Variants in KRT78 observed in about 807,000 individuals in gnomAD.
KRT78 encodes the protein keratin 78.
KRT78 carries 55 observed loss-of-function variants against 51.4 expected under a neutral mutation model. That is an observed-to-expected ratio of 1.07 (90% CI 0.86 to 1.34). KRT78 has a LOEUF of 1.34. Ranked by LOEUF, KRT78 falls within the 40% of genes most tolerant of loss-of-function variation. The pLI is 0.00. For synonymous variants in KRT78, 291 were observed against 264.3 expected, an observed-to-expected ratio of 1.10 and a Z score of -0.98; for missense variants, 652 against 649.4, an observed-to-expected ratio of 1.00 and a Z score of -0.04.
chr12:52,840,848 C>T (rs867761602), intron 6 of KRT78, among the ~76,000 whole-genome samples: 2 of 152,192 alleles, frequency 1.3e-5, no homozygotes, highest in African/African-American at 2.4e-5. Flanking sequence ...AGCACGGCCC[C>T]GCCAACACCT....
intron 2 of KRT78, 105 bp from the exon 3 acceptor site, chr12:52,846,929 G>T (rs1055943678): frequency 1.1e-5 from 9 of 796,320 alleles, no homozygotes; most frequent in Non-Finnish European, 1.9e-5. Context: ...GCCTTAGAAT[G>T]CCCCCAAACA....
At chr12:52,843,051 G>GAAGGT in intron 6 of KRT78, among the ~76,000 whole-genome samples, 1 of 124,010 alleles carries the variant, frequency 8.1e-6, no homozygotes, top group South Asian at 2.8e-4. Context: ...GGAGGGAAGG[G>GAAGGT]AGGAAGGAAG....
rs774096137 is a variant in KRT78, at chr12:52,847,918, C to G, written c.588G>C (p.Glu196Asp). ...ELKACRDQEE[E>D]YKSKYEEEAH... The stretch of plus-strand genomic sequence containing the variant: ...TTCAGTGTGCCTACTTGGACTTATA[C>G]TCCTCCTCCTGGTCCCGGCAGGCCT... Residue 196 changes from glutamate (E) to aspartate (D), a missense_variant, in exon 2 of 9, where the codon GAG becomes GAC. Coordinates refer to ENST00000304620, the MANE Select transcript of KRT78 (RefSeq NM_173352.4). 1 of 1,613,336 alleles carries G rather than the reference C, an allele frequency of 6.2e-7. No individual in the cohort carries two copies. The highest frequency in any genetic ancestry group is 8.5e-7 in the Non-Finnish European group (1 of 1,179,400).
At chr12:52,848,526 C>T (rs1940700731) in intron 1 of KRT78, 21 bp downstream of exon 1, 2 of 1,611,822 alleles carry the variant, frequency 1.2e-6, no homozygotes, top group Non-Finnish European at 1.7e-6. Flanking sequence ...GAGACAGGGG[C>T]TTGGCTGAGT....
Position 52,839,792 on chromosome 12 carries a change from G to C in KRT78, c.1240C>G (p.Arg414Gly). Residue 414 changes from arginine (R) to glycine (G), a missense_variant, in exon 7 of 9, where the codon CGC becomes GGC. By Grantham distance (125) the Arg-to-Gly change is moderately radical (BLOSUM62 -2). Transcript: ENST00000304620. ...LSLDVEIATY[R>G]RLLEGEECRM... ...CACTCCTCGCCCTCCAGCAGCCTGC[G>C]GTAAGTGGCAATCTCCACATCCAGG... 1.2e-6 allele frequency: 2 copies of C among 1,613,952 alleles called. No individual in the cohort carries two copies. Among genetic ancestry groups the C allele is most frequent in the Non-Finnish European group, 8.5e-7 (1 of 1,179,996 alleles).
At position 52,848,984 on chromosome 12, in the gene KRT78, T is replaced by C; in HGVS notation, c.-54A>G. 1 of 1,495,392 alleles carries C rather than the reference T, an allele frequency of 6.7e-7. No individual in the cohort carries two copies. Among genetic ancestry groups the C allele is most frequent in the African/African-American group, 1.4e-5 (1 of 71,574 alleles). The allele number at this position is 1,495,392 out of a possible 1,614,324, so 92.6% of individuals were successfully genotyped here. A position where few individuals can be genotyped will look rare whatever the true frequency, so the allele number is the denominator to read the frequency against. ...GACGGACAGACAGATTGTCAAGGTG[T>C]GTGAGTTTCTGCCCTGGGGCCCCAG... On this transcript the variant is annotated 5_prime_UTR_variant, in exon 1 of 9. Transcript: ENST00000304620.
intron 6 of KRT78, among the ~76,000 whole-genome samples, chr12:52,843,473 T>G (rs1189490362): frequency 6.6e-6 from 1 of 150,744 alleles, no homozygotes; most frequent in Non-Finnish European, 1.5e-5. Flanking sequence ...GCAGATCACT[T>G]GAGGTCAGGA....
chr12:52,843,712 GA>G (rs1940572100), intron 6 of KRT78, among the ~76,000 whole-genome samples: 1 of 146,200 alleles, frequency 6.8e-6, no homozygotes, highest in African/African-American at 2.6e-5. Context: ...AAAAGAAAAA[GA>G]AAAAGAAAAG....
At chr12:52,844,344 C>T (rs1223859723) in intron 5 of KRT78, 126 bp from the exon 6 acceptor site, 17 of 1,236,840 alleles carry the variant, frequency 1.4e-5, no homozygotes, top group Non-Finnish European at 1.9e-5. Flanking sequence ...AGCCAGGACA[C>T]AGTGGGATAT....
At chr12:52,846,096 C>G (rs1592146542) in intron 4 of KRT78, 101 bp downstream of exon 4, 1 of 755,552 alleles carries the variant, frequency 1.3e-6, no homozygotes, top group East Asian at 2.6e-5. Context: ...CTAAGCCACC[C>G]TAACAGACTT....
In KRT78 at chr12:52,848,808, A is replaced by G; in HGVS notation, c.123T>C (p.Leu41=). 6.2e-7 allele frequency: 1 copy of G among 1,612,680 alleles called. No homozygotes were observed. The highest frequency in any genetic ancestry group is 1.1e-5 in the South Asian group (1 of 90,998). The change falls in exon 1 of 9, where the codon CTT becomes CTC. Residue 41 remains leucine, a synonymous_variant. Transcript: ENST00000304620. ...SSRGGFSSRS[L]NSFGGCLEGS... ...CTTCCAGGCACCCCCCAAAGGAATTAAGGCTCCTGCTGCTGAAGCCGCCCC... is the reference window on the plus strand; with the variant it reads ...CTTCCAGGCACCCCCCAAAGGAATTGAGGCTCCTGCTGCTGAAGCCGCCCC...
Position 52,839,147 on chromosome 12 carries a change from A to T in KRT78, c.1529T>A (p.Val510Asp), listed in dbSNP as rs150326311. 1 of 1,613,328 alleles carries T rather than the reference A, an allele frequency of 6.2e-7. No homozygotes were observed. The highest frequency in any genetic ancestry group is 1.7e-5 in the Admixed American group (1 of 59,996). The change falls in exon 9 of 9, where the codon GTT becomes GAT. Residue 510 changes from valine to aspartate, a missense_variant. Coordinates refer to ENST00000304620, the MANE Select transcript of KRT78 (RefSeq NM_173352.4). ...GATGGATGTCTTCAGACTCGACTCA[A>T]CTGTCTTCTTCAGGATGGTGTGGCA... ...SSCHTILKKT[V>D]ESSLKTSITY
intron 1 of KRT78, 57 bp downstream of exon 1, chr12:52,848,490 A>G (rs547504111): frequency 5.7e-6 from 9 of 1,591,788 alleles, no homozygotes; most frequent in Admixed American, 5.4e-5. Flanking sequence ...AAGTCCATCA[A>G]GAGCAGCTCC....
intron 1 of KRT78, 120 bp downstream of exon 1, chr12:52,848,427 T>C: frequency 6.8e-7 from 1 of 1,464,120 alleles, no homozygotes. Context: ...GGGACTTCTT[T>C]GCTGCAGAAG....
chr12:52,839,379 A>G lies in KRT78; in HGVS notation c.1304-7T>C. 6.2e-7 allele frequency: 1 copy of G among 1,613,578 alleles called. No homozygotes were observed. The highest frequency in any genetic ancestry group is 2.2e-5 in the East Asian group (1 of 44,854). On this transcript the variant is annotated splice_region_variant and splice_polypyrimidine_tract_variant and intron_variant, in intron 8 of 8. Transcript: ENST00000304620. The stretch of plus-strand genomic sequence containing the variant: ...GCGCTGCCTCCCACCGAGGCTGCCA[A>G]GAAACGCACCGGGTCAGAGCAGGGT...
chr12:52,843,386 G>GAAAGAA (rs1487885766), intron 6 of KRT78, among the ~76,000 whole-genome samples: 1 of 123,598 alleles, frequency 8.1e-6, no homozygotes, highest in Non-Finnish European at 1.7e-5. Context: ...GAGAGAGAGA[G>GAAAGAA]AAAGAAAAAG....
Position 52,839,207 on chromosome 12 carries a change from G to A in KRT78, c.1469C>T (p.Ser490Phe), listed in dbSNP as rs1358300590. The A allele has an allele frequency of 3.1e-6, 5 of 1,612,670 alleles. No homozygotes were observed. In the African/African-American group the frequency reaches 4.0e-5, roughly 13 times the overall value. ...LGSGKDPVLD[S>F]CSVSGSSAGS... ...AGCGCTGGAGCCAGACACAGAGCAG[G>A]AATCCAAAACAGGGTCCTTCCCAGA... Residue 490 changes from serine to phenylalanine, a missense_variant, in exon 9 of 9, where the codon TCC (serine) becomes TTC (phenylalanine). Ser to Phe is a radical substitution (Grantham distance 155). Transcript: ENST00000304620.
chr12:52,840,430 T>C (rs1368357558), intron 6 of KRT78, among the ~76,000 whole-genome samples: 6 of 151,926 alleles, frequency 3.9e-5, no homozygotes, highest in African/African-American at 7.3e-5. Flanking sequence ...GGGCTGGGCA[T>C]GGTGGCTCAC....
chr12:52,848,691 C>CG lies in KRT78; in HGVS notation c.239dup (p.Ile83HisfsTer17). 6.2e-7 allele frequency: 1 copy of CG among 1,613,232 alleles called. No homozygotes were observed. The highest frequency in any genetic ancestry group is 1.7e-4 in the Middle Eastern group (1 of 6,060). ...TGATGGTCACTTCTTGGATGCCCCC[C>CG]GGAGGGCACAGGGAGAGCCCAGGCC... On this transcript the variant is annotated frameshift_variant, in exon 1 of 9. Transcript: ENST00000304620. LOFTEE classifies it high-confidence loss of function.
Sources: allele counts gnomAD v4.1 joint callset (sites outside exome capture counted in the v4.1 genomes callset), GRCh38; gene constraint gnomAD v4.1.1; transcripts MANE v1.5; gene names NCBI Gene and HGNC (gene_info 2026-07-23, HGNC 2026-07-21).